Variants in KTN1 observed in about 807,000 individuals in gnomAD.
KTN1 encodes the protein kinectin.
Under a neutral mutation model 222.5 loss-of-function variants are expected in KTN1, and 130 were observed. That is an observed-to-expected ratio of 0.58 (90% CI 0.51 to 0.68). KTN1 has a LOEUF of 0.68. Ranked by LOEUF, KTN1 falls within the 30% of genes least tolerant of loss-of-function variation. KTN1 has a pLI of 0.00. For synonymous variants in KTN1, 512 were observed against 496.3 expected (o/e 1.03, Z -0.42); for missense variants, 1,508 against 1,500.4 (o/e 1.01, Z -0.08).
At chr14:55,619,145 T>G (rs1199884124) in intron 4 of KTN1, 37 bp from the exon 5 acceptor site, 2 of 1,552,804 alleles carry the variant, frequency 1.3e-6, no homozygotes, top group South Asian at 2.3e-5. Context: ...GTTTTTTAAA[T>G]GCCAACTCTT....
At chr14:55,672,775 G>C in intron 38 of KTN1, 74 bp downstream of exon 38, 1 of 1,137,392 alleles carries the variant, frequency 8.8e-7, no homozygotes. Flanking sequence ...AAGATCTATA[G>C]TTTAAGATTA....
chr14:55,613,110 T>C (rs2037832554), intron 2 of KTN1, among the ~76,000 whole-genome samples: 1 of 152,216 alleles, frequency 6.6e-6, no homozygotes, highest in Non-Finnish European at 1.5e-5. Flanking sequence ...ATGCTAGGCA[T>C]TATGCTAGGT....
At chr14:55,618,243 C>A in intron 4 of KTN1, 109 bp downstream of exon 4, 1 of 805,412 alleles carries the variant, frequency 1.2e-6, no homozygotes, top group Non-Finnish European at 1.8e-6. Flanking sequence ...TCAAAAGAAT[C>A]AAATCCTTGT....
At chr14:55,662,546 A>G (rs770715110) in intron 32 of KTN1, among the ~76,000 whole-genome samples, 4 of 152,218 alleles carry the variant, frequency 2.6e-5, no homozygotes, top group Non-Finnish European at 5.9e-5. Flanking sequence ...AACTTTTCTC[A>G]TACCAGAGGG....
intron 1 of KTN1, among the ~76,000 whole-genome samples, chr14:55,580,714 T>G (rs868446397): frequency 6.6e-6 from 1 of 151,638 alleles, no homozygotes; most frequent in Non-Finnish European, 1.5e-5. Flanking sequence ...GGCCCTGGGG[T>G]GACCGAGGCA....
At position 55,661,623 on chromosome 14, in the gene KTN1, C is replaced by T. The variant is rs1336667077; in HGVS notation, c.3090+11C>T. 7.1e-7 allele frequency: 1 copy of T among 1,417,004 alleles called. No individual in the cohort carries two copies. The highest frequency in any genetic ancestry group is 2.3e-5 in the East Asian group (1 of 43,592). 87.8% of individuals were successfully genotyped at this position (1,417,004 alleles called of 1,614,324 possible). On this transcript the variant is annotated intron_variant, in intron 32 of 43. Coordinates refer to ENST00000395314, the MANE Select transcript of KTN1 (RefSeq NM_001079521.2). ...AGGAAGAAAAACAATGTAAGTAGAT[C>T]TTTATCAGAATGAAGCTTTTCTTTT...
intron 34 of KTN1, among the ~76,000 whole-genome samples, chr14:55,668,972 T>TA (rs2045177702): frequency 6.6e-6 from 1 of 152,124 alleles, no homozygotes; most frequent in Admixed American, 6.6e-5. Context: ...ACTGATGAAA[T>TA]ACCTAGCACT....
intron 2 of KTN1, among the ~76,000 whole-genome samples, chr14:55,612,774 C>CT (rs1273113950): frequency 2.6e-5 from 4 of 152,012 alleles, no homozygotes; most frequent in Non-Finnish European, 1.5e-5. Flanking sequence ...ACTTCAGGGC[C>CT]TGATGCAGTG....
chr14:55,603,528 C>T (rs567482702), intron 1 of KTN1, among the ~76,000 whole-genome samples: 1 of 152,282 alleles, frequency 6.6e-6, no homozygotes, highest in African/African-American at 2.4e-5. Context: ...ACAGCAAACT[C>T]CTAGTTTTCT....
intron 2 of KTN1, among the ~76,000 whole-genome samples, chr14:55,614,893 C>G (rs764582408): frequency 6.6e-6 from 1 of 152,138 alleles, no homozygotes; most frequent in Admixed American, 6.5e-5. Flanking sequence ...GAGAACACTT[C>G]CAGTTTGTGT....
intron 5 of KTN1, among the ~76,000 whole-genome samples, chr14:55,620,840 A>G (rs1345590375): frequency 6.6e-6 from 1 of 152,088 alleles, no homozygotes; most frequent in Non-Finnish European, 1.5e-5. Flanking sequence ...GGTGATTTAC[A>G]TTTGGTTCCT....
At chr14:55,615,912 T>G (rs928786576) in intron 2 of KTN1, among the ~76,000 whole-genome samples, 2 of 148,528 alleles carry the variant, frequency 1.3e-5, no homozygotes, top group Non-Finnish European at 3.0e-5. Flanking sequence ...CTTTTCTTTC[T>G]TCTTTCTTTC....
chr14:55,599,554 C>A (rs373232256), intron 1 of KTN1, among the ~76,000 whole-genome samples: 2 of 151,024 alleles, frequency 1.3e-5, no homozygotes, highest in African/African-American at 2.4e-5. Flanking sequence ...CAACCTCTGC[C>A]GCACAGAAGC....
chr14:55,639,545 T>C (rs1158578605), intron 13 of KTN1, among the ~76,000 whole-genome samples: 8 of 151,760 alleles, frequency 5.3e-5, no homozygotes, highest in African/African-American at 1.9e-4. Flanking sequence ...TTGTGTCTTA[T>C]AAGTAGTTGT....
At position 55,616,619 on chromosome 14, in the gene KTN1, A is replaced by G; in HGVS notation, c.626A>G (p.Lys209Arg). 6.2e-7 allele frequency: 1 copy of G among 1,600,118 alleles called. No individual in the cohort carries two copies. The highest frequency in any genetic ancestry group is 8.5e-7 in the Non-Finnish European group (1 of 1,176,720). The change falls in exon 3 of 44, where the codon AAG becomes AGG. Residue 209 changes from lysine to arginine, a missense_variant. Coordinates refer to ENST00000395314, the MANE Select transcript of KTN1 (RefSeq NM_001079521.2). Reference protein sequence around the residue: ...ETKQESGSGKKKASSKKQKTE... With the variant: ...ETKQESGSGKRKASSKKQKTE... ...AAACAAGAAAGTGGATCAGGGAAGA[A>G]GAAAGCTTCATCAAAGAAACAAAAG...
At chr14:55,626,573 G>C (rs1299677167) in intron 5 of KTN1, among the ~76,000 whole-genome samples, 1 of 151,642 alleles carries the variant, frequency 6.6e-6, no homozygotes, top group Non-Finnish European at 1.5e-5. Context: ...ATCGTGTATA[G>C]ATCCTGTTTT....
chr14:55,605,292 T>C (rs2036564756), intron 1 of KTN1, among the ~76,000 whole-genome samples: 1 of 152,234 alleles, frequency 6.6e-6, no homozygotes, highest in Admixed American at 6.5e-5. Context: ...TAGTTAGTTA[T>C]TTGAGACGGA....
Position 55,646,460 on chromosome 14 carries a change from T to TTTCCCTTTCC in KTN1, c.2173-511_2173-510insCCCTTTCCTT, listed in dbSNP as rs1595073348. 4.1e-5 allele frequency among the ~76,000 whole-genome samples: 2 copies of TTTCCCTTTCC among 48,980 alleles called. 1 individual carries two copies. Among genetic ancestry groups the TTTCCCTTTCC allele is most frequent in the Non-Finnish European group, 8.4e-5 (2 of 23,744 alleles). The allele number at this position is 48,980 out of a possible 152,430, so 32.1% of individuals were successfully genotyped here. ...CCTTTCCTTTTCCTTTTCCTTTTCC[T>TTTCCCTTTCC]TTTCCTTTCCTTTCCTTTCCTTTCC... On this transcript the variant is annotated intron_variant, in intron 18 of 43. Transcript: ENST00000395314.
chr14:55,618,654 G>T (rs56015977), intron 4 of KTN1, among the ~76,000 whole-genome samples: 1 of 152,166 alleles, frequency 6.6e-6, no homozygotes. Flanking sequence ...AAATAAGGGT[G>T]GGTGGGTCAG....
Sources: gnomAD v4.1 joint callset for allele counts (sites outside exome capture counted in the v4.1 genomes callset) on GRCh38, gnomAD v4.1.1 for gene constraint, MANE v1.5 for transcripts, NCBI Gene and HGNC (gene_info 2026-07-23, HGNC 2026-07-21) for gene names.